Variants in PHACTR2 observed in about 807,000 individuals in gnomAD.
The protein encoded by PHACTR2 is phosphatase and actin regulator 2.
Under a neutral mutation model 76.0 loss-of-function variants are expected in PHACTR2, and 30 were observed. That is an observed-to-expected ratio of 0.39 (90% CI 0.30 to 0.54). The LOEUF (loss-of-function observed/expected upper bound fraction) is 0.54, where lower values mean the gene tolerates loss of function less well. Among genes scored for constraint, PHACTR2 ranks in the 20% least tolerant of loss-of-function variants. The probability of loss-of-function intolerance (pLI) is 0.61; values close to 1 mark genes in which losing one functional copy is unlikely to be tolerated. For synonymous variants in PHACTR2, 292 were observed against 292.5 expected, an observed-to-expected ratio of 1.00 and a Z score of 0.02; for missense variants, 696 against 781.1, an observed-to-expected ratio of 0.89 and a Z score of 1.30.
At chr6:143,603,484 A>C (rs1463857930), upstream of PHACTR2, among the ~76,000 whole-genome samples, 2 of 152,188 alleles carry the variant, frequency 1.3e-5, no homozygotes, top group African/African-American at 4.8e-5. Flanking sequence ...AACGTTATCC[A>C]GAAATTCAGG....
rs1776155734 is a variant in PHACTR2, at chr6:143,621,602, A to G, written c.13+13280A>G. Among the ~76,000 whole-genome samples, 1 of 152,210 alleles carries G rather than the reference A, an allele frequency of 6.6e-6. No individual in the cohort carries two copies. Among genetic ancestry groups the G allele is most frequent in the South Asian group, 2.1e-4 (1 of 4,822 alleles). On this transcript the variant is annotated intron_variant, in intron 1 of 11. Coordinates refer to the PHACTR2 transcript ENST00000305766. This position sits in a 1 kb window ranked among gnomAD's most constrained non-coding sequence, Gnocchi z 4.1. ...CCTTGAATAGTGTGGGATTGTGCAA[A>G]GGAATGGAATTAGAGTTGTAAAAGA...
At chr6:143,545,768 C>G (rs1049454716) in intron 1 of PHACTR2, among the ~76,000 whole-genome samples, 3 of 152,124 alleles carry the variant, frequency 2.0e-5, no homozygotes, top group Non-Finnish European at 4.4e-5. Context: ...GAGGGAAAAT[C>G]GCATTATGTT....
Position 143,815,669 on chromosome 6 carries a change from G to A in PHACTR2, c.1923-8005G>A, listed in dbSNP as rs566608688. 1.1e-4 allele frequency among the ~76,000 whole-genome samples: 17 copies of A among 152,222 alleles called. No homozygotes were observed. The South Asian group carries it at 3.1e-3, about 28-fold the overall frequency. On this transcript the variant is annotated intron_variant, in intron 12 of 12. Coordinates refer to ENST00000440869, the MANE Select transcript of PHACTR2 (RefSeq NM_001100164.2). Reference sequence around the variant, plus strand: ...GCACTTTGGGAGGCCGAGGTAGGTGGATCACCTGAGGTCAGGGGTTCAAGA... The same window carrying A: ...GCACTTTGGGAGGCCGAGGTAGGTGAATCACCTGAGGTCAGGGGTTCAAGA...
chr6:143,670,586 A>G (rs751943739), intron 1 of PHACTR2, among the ~76,000 whole-genome samples: 1 of 151,574 alleles, frequency 6.6e-6, no homozygotes, highest in Non-Finnish European at 1.5e-5. Flanking sequence ...GCTTTGTTTC[A>G]TTATGTTGAT....
upstream of PHACTR2, among the ~76,000 whole-genome samples, chr6:143,677,505 T>C (rs888465223): frequency 1.3e-5 from 2 of 152,200 alleles, no homozygotes; most frequent in African/African-American, 2.4e-5. Context: ...CACGTAGACC[T>C]ACCATTTAGA....
In PHACTR2 at chr6:143,654,157, A is replaced by G. The variant is rs935261443; in HGVS notation, c.13+45835A>G. On this transcript the variant is annotated intron_variant, in intron 1 of 11. Coordinates refer to the PHACTR2 transcript ENST00000305766. This position sits in a 1 kb window ranked among gnomAD's most constrained non-coding sequence, Gnocchi z 4.6. ...GGGAAATACAAATCAAAACCACAAG[A>G]GACCACTTTATACCCATGGGAATGT... 6.6e-6 allele frequency among the ~76,000 whole-genome samples: 1 copy of G among 152,232 alleles called. No homozygotes were observed. Among genetic ancestry groups the G allele is most frequent in the African/African-American group, 2.4e-5 (1 of 41,462 alleles).
chr6:143,712,024 C>T lies in PHACTR2; in HGVS notation c.55C>T (p.Leu19=), dbSNP rs1273132809. ...TATCTTTCTTTATACAGTTGACGGA[C>T]TGGACAAAGCTTCTATAGCAAACTC... ...LSPQPGSVDG[L]DKASIANSDG... Residue 19 remains leucine (L), a synonymous_variant, in exon 2 of 13, where the codon CTG becomes TTG. Coordinates refer to ENST00000440869, the MANE Select transcript of PHACTR2 (RefSeq NM_001100164.2). The T allele has an allele frequency of 3.1e-6, 5 of 1,589,672 alleles. No homozygotes were observed. The highest frequency in any genetic ancestry group is 4.3e-6 in the Non-Finnish European group (5 of 1,169,842).
rs184469992 is a variant in PHACTR2, at chr6:143,710,430, C to A, written c.47-1586C>A. 4.5e-3 allele frequency among the ~76,000 whole-genome samples: 690 copies of A among 152,294 alleles called. 3 individuals carry two copies. Among genetic ancestry groups the A allele is most frequent in the Non-Finnish European group, 7.2e-3 (491 of 68,030 alleles). ...AGTTTGGGCTGCGTGTGGTGGCTCA[C>A]GCCTGTAATCCCAGCAGTTTGGGAG... On this transcript the variant is annotated intron_variant, in intron 1 of 12. Transcript: ENST00000440869. The surrounding 1 kb of genome is among the most constrained non-coding windows in gnomAD (Gnocchi z 4.9).
At chr6:143,756,593 G>A (rs7756613) in intron 4 of PHACTR2, among the ~76,000 whole-genome samples, 96,797 of 146,784 alleles carry the variant, frequency 0.66, 31,304 homozygotes, top group African/African-American at 0.72. Flanking sequence ...CAGCTACTCG[G>A]GAGGCTGAGG....
intron 2 of PHACTR2, among the ~76,000 whole-genome samples, chr6:143,726,286 A>G (rs1778568860): frequency 6.6e-6 from 1 of 152,214 alleles, no homozygotes; most frequent in Admixed American, 6.5e-5. Flanking sequence ...TGTTAAGGTA[A>G]AAACATTTGT....
Position 143,774,355 on chromosome 6 carries a change from A to G in PHACTR2, c.1589+140A>G, listed in dbSNP as rs1002468979. 21 of 565,782 alleles carry G rather than the reference A, an allele frequency of 3.7e-5. No homozygotes were observed. The highest frequency in any genetic ancestry group is 1.1e-4 in the Admixed American group (3 of 28,152). The allele number at this position is 565,782 out of a possible 1,614,324, so 35.0% of individuals were successfully genotyped here. ...CTGGGTCTTTTAAAGTTGGTCTTGC[A>G]TGATGAAACACTCGAAGAACCTGTC... On this transcript the variant is annotated intron_variant, in intron 8 of 12. Coordinates refer to ENST00000440869, the MANE Select transcript of PHACTR2 (RefSeq NM_001100164.2). The surrounding 1 kb of genome is among the most constrained non-coding windows in gnomAD (Gnocchi z 5.4).
At chr6:143,720,111 C>A (rs1295917511) in intron 2 of PHACTR2, among the ~76,000 whole-genome samples, 2 of 152,016 alleles carry the variant, frequency 1.3e-5, no homozygotes, top group Non-Finnish European at 2.9e-5. Context: ...TGTGCCCAGC[C>A]AAGTGTTCGA....
rs562352659 is a variant in PHACTR2, at chr6:143,657,215, C to T, written c.13+48893C>T. Reference sequence around the variant, plus strand: ...TGTAAACCTATGTAACAAACTTGCACATTCTGCACATGTATCCCAGAATTT... The same window carrying T: ...TGTAAACCTATGTAACAAACTTGCATATTCTGCACATGTATCCCAGAATTT... On this transcript the variant is annotated intron_variant, in intron 1 of 11. Transcript: ENST00000305766. Among the ~76,000 whole-genome samples the T allele has an allele frequency of 2.0e-5, 3 of 151,552 alleles. No homozygotes were observed. The East Asian group carries it at 5.9e-4, about 30-fold the overall frequency.
At chr6:143,796,657 G>A (rs982105548) in intron 11 of PHACTR2, among the ~76,000 whole-genome samples, 6 of 151,908 alleles carry the variant, frequency 3.9e-5, no homozygotes, top group African/African-American at 7.3e-5. Flanking sequence ...GAGAACATGC[G>A]GTGTTTGGTT....
rs11961814 is a variant in PHACTR2, at chr6:143,580,592, G to T, written c.217+43385G>T. ...GGAGGCTGAGGCAGGAGAATTGCTT[G>T]AACCCGGGAGGCAGAGGTTGCAGTG... On this transcript the variant is annotated intron_variant, in intron 1 of 11. Transcript: ENST00000367584. The surrounding 1 kb of genome is among the most constrained non-coding windows in gnomAD (Gnocchi z 4.2). 0.27 allele frequency among the ~76,000 whole-genome samples: 41,016 copies of T among 151,952 alleles called. 5,537 individuals carry two copies. Among genetic ancestry groups the T allele is most frequent in the Middle Eastern group, 0.41 (121 of 294 alleles).
At position 143,827,155 on chromosome 6, in the gene PHACTR2, A is replaced by AAAAT. The variant is rs1254251707; in HGVS notation, c.*3467_*3468insAATA. On this transcript the variant is annotated 3_prime_UTR_variant, in exon 13 of 13. Coordinates refer to ENST00000440869, the MANE Select transcript of PHACTR2 (RefSeq NM_001100164.2). Reference sequence around the variant, plus strand: ...GGGCTGCGTTGGCATTAAAAAAGAAAATATATATATATATATATATATATA... The same window carrying AAAAT: ...GGGCTGCGTTGGCATTAAAAAAGAAAAAATATATATATATATATATATATATATA... 29 of 77,246 alleles carry AAAAT rather than the reference A, an allele frequency of 3.8e-4. No individual in the cohort carries two copies. The highest frequency in any genetic ancestry group is 8.5e-4 in the African/African-American group (17 of 20,088). 4.8% of individuals were successfully genotyped at this position (77,246 alleles called of 1,614,324 possible). A position where few individuals can be genotyped will look rare whatever the true frequency, so the allele number is the denominator to read the frequency against.
chr6:143,628,733 A>T (rs1776302361), intron 1 of PHACTR2, among the ~76,000 whole-genome samples: 2 of 151,710 alleles, frequency 1.3e-5, no homozygotes, highest in South Asian at 4.2e-4. Context: ...GGAGGTAGAT[A>T]TCTCAGGGCA....
chr6:143,726,440 C>G (rs900720128), intron 2 of PHACTR2, among the ~76,000 whole-genome samples: 1 of 149,996 alleles, frequency 6.7e-6, no homozygotes, highest in African/African-American at 2.5e-5. Flanking sequence ...TCCTTTTTGC[C>G]CCCCCAGTAA....
Position 143,585,029 on chromosome 6 carries a change from G to A in PHACTR2, c.217+47822G>A, listed in dbSNP as rs1775612189. Among the ~76,000 whole-genome samples the A allele has an allele frequency of 6.6e-6, 1 of 151,532 alleles. No individual in the cohort carries two copies. The highest frequency in any genetic ancestry group is 2.1e-4 in the South Asian group (1 of 4,786). On this transcript the variant is annotated intron_variant, in intron 1 of 11. Transcript: ENST00000367584. The surrounding 1 kb of genome is among the most constrained non-coding windows in gnomAD (Gnocchi z 5.2). ...GGCTTGGCTGTCATACCTTCTATAG[G>A]CTTGGCTGTCATAACTCAAGTTGTT... is the stretch of plus-strand genomic sequence containing the variant.
Sources: gnomAD v4.1 joint callset for allele counts (sites outside exome capture counted in the v4.1 genomes callset) on GRCh38, gnomAD v4.1.1 for gene constraint, Gnocchi (gnomAD v3.1) non-coding constraint, MANE v1.5 for transcripts, NCBI Gene and HGNC (gene_info 2026-07-23, HGNC 2026-07-21) for gene names.